The following FRYL variants were observed in gnomAD, a reference collection of about 807,000 sequenced individuals.
FRYL encodes the protein FRY like transcription coactivator.
FRYL carries 150 observed loss-of-function variants against 351.2 expected under a neutral mutation model. The observed-to-expected ratio is 0.43, with a 90% CI of 0.37 to 0.49. The LOEUF is 0.49. Ranked by LOEUF, FRYL falls within the 20% of genes least tolerant of loss-of-function variation. The pLI, the probability that FRYL is intolerant of heterozygous loss-of-function variation, is 0.00. For synonymous variants in FRYL, 1,153 were observed against 1,257.1 expected (o/e 0.92, Z 1.75); for missense variants, 3,036 against 3,619.3 (o/e 0.84, Z 4.13).
At position 48,557,055 on chromosome 4, in the gene FRYL, G is replaced by A. The variant is rs759392906; in HGVS notation, c.4189C>T (p.Pro1397Ser). ...NVWTTLADGW[P>S]KNLKIILHFL... ...TGCAAAATTATTTTCAGGTTTTTGG[G>A]CCAGCCATCTGCAAGTGTGGTCCAC... Residue 1397 changes from proline (P) to serine (S), a missense_variant, in exon 35 of 64, where the codon CCC becomes TCC. Physicochemically the swap from Pro to Ser is moderately conservative, Grantham distance 74. This residue lies in a region of FRYL where 1,987 missense variants were observed against 2,311.7 expected (regional missense o/e 0.86). Transcript: ENST00000358350. 8 of 1,606,562 alleles carry A rather than the reference G, an allele frequency of 5.0e-6. No individual in the cohort carries two copies. The highest frequency in any genetic ancestry group is 6.8e-6 in the Non-Finnish European group (8 of 1,176,546).
At chr4:48,729,934 C>T (rs186399086) in intron 1 of FRYL, among the ~76,000 whole-genome samples, 72 of 152,254 alleles carry the variant, frequency 4.7e-4, no homozygotes, top group African/African-American at 1.6e-3. Context: ...TCAGTAATAA[C>T]AAACTTCTCT....
intron 4 of FRYL, among the ~76,000 whole-genome samples, chr4:48,627,859 C>T (rs1394941271): frequency 1.3e-5 from 2 of 152,130 alleles, no homozygotes; most frequent in African/African-American, 2.4e-5. Context: ...GCAACCTCTG[C>T]TTCCTGGGTT....
chr4:48,581,963 A>C (rs1161907037), intron 20 of FRYL, among the ~76,000 whole-genome samples: 4 of 152,218 alleles, frequency 2.6e-5, no homozygotes, highest in African/African-American at 9.7e-5. Flanking sequence ...AGCTTCTAAG[A>C]AACTCCTGAA....
intron 1 of FRYL, among the ~76,000 whole-genome samples, chr4:48,754,415 T>G (rs1002968780): frequency 6.6e-6 from 1 of 152,226 alleles, no homozygotes. Flanking sequence ...TTTCTACATT[T>G]TAGCTAACGT....
At position 48,540,023 on chromosome 4, in the gene FRYL, T is replaced by C; in HGVS notation, c.6341A>G (p.His2114Arg). 1.2e-6 allele frequency: 2 copies of C among 1,613,392 alleles called. No homozygotes were observed. The highest frequency in any genetic ancestry group is 2.2e-5 in the South Asian group (2 of 91,024). The change falls in exon 47 of 64, where the codon CAT (histidine) becomes CGT (arginine). Residue 2114 changes from histidine (H) to arginine (R), a missense_variant. His to Arg is a conservative substitution (Grantham distance 29). This residue lies in a region of FRYL where 1,987 missense variants were observed against 2,311.7 expected (regional missense o/e 0.86). Transcript: ENST00000358350. ...GCAAAACTGAGTTGGGCTGTCAAAA[T>C]GCTGGATTAAGTGAGGCAATAAGCA... ...ILCLLPHLIQ[H>R]FDSPTQFCKE... is the part of the protein sequence containing the mutation.
Position 48,606,609 on chromosome 4 carries a change from T to A in FRYL, c.573-3A>T, listed in dbSNP as rs1746881040. 2 of 1,604,592 alleles carry A rather than the reference T, an allele frequency of 1.2e-6. No individual in the cohort carries two copies. The highest frequency in any genetic ancestry group is 1.7e-6 in the Non-Finnish European group (2 of 1,174,050). On this transcript the variant is annotated splice_region_variant and splice_polypyrimidine_tract_variant and intron_variant, in intron 9 of 63. Transcript: ENST00000358350. ...ACTTCTTCCTTACAGCCTGAAACCT[T>A]TAATATACGTGGAGACATCATTTGA...
In FRYL at chr4:48,573,247, G is replaced by T. The variant is rs1459275684; in HGVS notation, c.2847-4C>A. ...ATGTAATTCCTCTATTAGTTCCCTGGAAGAAAAATGGTACATATTCTATTA... is the reference window on the plus strand; with the variant it reads ...ATGTAATTCCTCTATTAGTTCCCTGTAAGAAAAATGGTACATATTCTATTA... On this transcript the variant is annotated splice_region_variant and splice_polypyrimidine_tract_variant and intron_variant, in intron 25 of 63. Transcript: ENST00000358350. 6.3e-7 allele frequency: 1 copy of T among 1,592,832 alleles called. No homozygotes were observed. Among genetic ancestry groups the T allele is most frequent in the Admixed American group, 1.7e-5 (1 of 59,858 alleles).
chr4:48,571,072 AG>A (rs1738215424), intron 26 of FRYL, among the ~76,000 whole-genome samples, 154 bp from the exon 27 acceptor site: 1 of 152,182 alleles, frequency 6.6e-6, no homozygotes, highest in African/African-American at 2.4e-5. Context: ...TGCCTCAAAG[AG>A]GTATGAGTGA....
At chr4:48,770,043 A>C (rs1775355377) in intron 1 of FRYL, among the ~76,000 whole-genome samples, 1 of 152,238 alleles carries the variant, frequency 6.6e-6, no homozygotes, top group Non-Finnish European at 1.5e-5. Context: ...GGCATATACA[A>C]GAATTTTATC....
intron 1 of FRYL, among the ~76,000 whole-genome samples, chr4:48,720,058 G>A (rs1247000770): frequency 6.6e-6 from 1 of 150,572 alleles, no homozygotes; most frequent in African/African-American, 2.4e-5. Context: ...GCTGAGGCAG[G>A]AGAATGGCTT....
At chr4:48,512,740 T>A (rs1415125870) in intron 56 of FRYL, 52 bp from the exon 57 acceptor site, 1 of 1,353,480 alleles carries the variant, frequency 7.4e-7, no homozygotes, top group Non-Finnish European at 1.1e-6. Context: ...AAAAAAAGAA[T>A]AGGCTCAATC....
rs768198287 is a variant in FRYL, at chr4:48,570,856, C to T, written c.2967G>A (p.Leu989=). Residue 989 remains leucine (L), a synonymous_variant, in exon 27 of 64, where the codon CTG becomes CTA. Transcript: ENST00000358350. ...LRVQLVRIFE[L]LADAGVISHS... is the part of the protein sequence containing the mutation. ...GACTAATGACACCAGCATCTGCCAGCAGTTCAAATATTCGTACCAGTTGTA... is the reference window on the plus strand; with the variant it reads ...GACTAATGACACCAGCATCTGCCAGTAGTTCAAATATTCGTACCAGTTGTA... 6.8e-5 allele frequency: 109 copies of T among 1,613,620 alleles called. No homozygotes were observed. The highest frequency in any genetic ancestry group is 8.9e-5 in the Non-Finnish European group (105 of 1,179,628).
At chr4:48,717,971 C>T (rs1578822276) in intron 1 of FRYL, among the ~76,000 whole-genome samples, 1 of 151,724 alleles carries the variant, frequency 6.6e-6, no homozygotes, top group Middle Eastern at 3.4e-3. Context: ...TATTCTACAT[C>T]ACCTTATAAC....
Position 48,499,264 on chromosome 4 carries a change from TCAGA to T in FRYL, c.*154_*157del. 2 of 639,206 alleles carry T rather than the reference TCAGA, an allele frequency of 3.1e-6. No individual in the cohort carries two copies. The highest frequency in any genetic ancestry group is 5.4e-6 in the Non-Finnish European group (2 of 370,460). The allele number at this position is 639,206 out of a possible 1,614,324, so 39.6% of individuals were successfully genotyped here. ...TTAAAATATCAGATGTTTTTTTCTT[TCAGA>T]TCTTTGTTTTTGATGATACAGTTTG... On this transcript the variant is annotated 3_prime_UTR_variant, in exon 64 of 64. Transcript: ENST00000358350.
Position 48,547,676 on chromosome 4 carries a change from G to T in FRYL, c.4982C>A (p.Thr1661Asn). Residue 1661 changes from threonine (T) to asparagine (N), a missense_variant, in exon 41 of 64, where the codon ACT (threonine) becomes AAT (asparagine). Physicochemically the swap from Thr to Asn is moderately conservative, Grantham distance 65. Around this residue, in one of 7 missense-constraint regions of FRYL, gnomAD observed 1,987 missense variants for 2,311.7 expected, o/e 0.86. Coordinates refer to ENST00000358350, the MANE Select transcript of FRYL (RefSeq NM_015030.2). The part of the protein sequence containing the change: ...IVMGPNSNIR[T>N]VASVLLRNKE... ...GTTCCTGAGAAGGACAGAAGCAACA[G>T]TTCGGATGTTACTATTGGGTCCCAT... The T allele has an allele frequency of 6.2e-7, 1 of 1,607,792 alleles. No homozygotes were observed. The highest frequency in any genetic ancestry group is 8.5e-7 in the Non-Finnish European group (1 of 1,175,514).
intron 6 of FRYL, among the ~76,000 whole-genome samples, chr4:48,620,118 C>T (rs1750350973): frequency 6.6e-6 from 1 of 152,254 alleles, no homozygotes; most frequent in East Asian, 1.9e-4. Context: ...AACACTAAAC[C>T]ATGGACAATC....
At chr4:48,575,531 T>C (rs1418612121) in intron 24 of FRYL, among the ~76,000 whole-genome samples, 1 of 152,214 alleles carries the variant, frequency 6.6e-6, no homozygotes, top group Non-Finnish European at 1.5e-5. Flanking sequence ...TTTTGGTCCA[T>C]GAACATGAAG....
chr4:48,710,308 C>A (rs2149589540), intron 2 of FRYL, among the ~76,000 whole-genome samples: 1 of 152,280 alleles, frequency 6.6e-6, no homozygotes, highest in Admixed American at 6.5e-5. Context: ...AGTGCACAGG[C>A]ATAGTTGTTC....
intron 3 of FRYL, among the ~76,000 whole-genome samples, chr4:48,655,913 A>G (rs1758802515): frequency 2.0e-5 from 2 of 102,276 alleles, no homozygotes; most frequent in African/African-American, 5.6e-5. Context: ...TACATTATAT[A>G]TAATGTGTAA....
Sources: gnomAD v4.1 joint callset for allele counts (sites outside exome capture counted in the v4.1 genomes callset) on GRCh38, gnomAD v4.1.1 for gene constraint, gnomAD v4.1.1 regional missense constraint, MANE v1.5 for transcripts, NCBI Gene and HGNC (gene_info 2026-07-23, HGNC 2026-07-21) for gene names.